Variants in MED12L observed in about 807,000 individuals in gnomAD.
MED12L encodes the protein mediator complex subunit 12L, also known as mediator of RNA polymerase II transcription subunit 12-like protein.
A neutral mutation model predicts 281.3 loss-of-function variants in MED12L; 60 were observed. The ratio of observed to expected loss-of-function variants is 0.21; its 90% CI spans 0.17 to 0.26. MED12L has a LOEUF of 0.26. MED12L is among the 10% of genes least tolerant of loss of function. MED12L has a pLI of 1.00. For missense variants in MED12L, 2,146 were observed against 2,680.9 expected (o/e 0.80, Z 4.41); for synonymous variants, 974 against 987.2 (o/e 0.99, Z 0.25).
chr3:151,225,329 A>G (rs1432750358), intron 16 of MED12L, among the ~76,000 whole-genome samples: 4 of 152,192 alleles, frequency 2.6e-5, no homozygotes, highest in Admixed American at 2.0e-4. Flanking sequence ...TGAGTCATTT[A>G]TAAAGAAAGG....
At chr3:151,415,663 GAAACA>G (rs895181543) in intron 42 of MED12L, among the ~76,000 whole-genome samples, 59 of 152,298 alleles carry the variant, frequency 3.9e-4, no homozygotes, top group African/African-American at 1.3e-3. Flanking sequence ...AAAGGTCATT[GAAACA>G]AAACAAAACA....
At chr3:151,116,180 G>A (rs1389387860) in intron 2 of MED12L, among the ~76,000 whole-genome samples, 158 bp from the exon 3 acceptor site, 2 of 151,596 alleles carry the variant, frequency 1.3e-5, no homozygotes. Flanking sequence ...TTATGTATTG[G>A]TGTTTAAACT....
At chr3:151,200,995 A>AC (rs945092667) in intron 16 of MED12L, 4 of 152,110 alleles carry the variant, frequency 2.6e-5, no homozygotes, top group African/African-American at 9.7e-5. Flanking sequence ...CCACTCCAAA[A>AC]CACTGCCTCA....
At chr3:151,102,541 G>T (rs1035032095) in intron 2 of MED12L, among the ~76,000 whole-genome samples, 1 of 152,060 alleles carries the variant, frequency 6.6e-6, no homozygotes, top group Non-Finnish European at 1.5e-5. Context: ...AGGATGTTCT[G>T]CAGTGAACAT....
intron 16 of MED12L, among the ~76,000 whole-genome samples, chr3:151,274,869 T>A (rs979039545): frequency 6.6e-6 from 1 of 152,144 alleles, no homozygotes; most frequent in African/African-American, 2.4e-5. Flanking sequence ...TCCTAGAATG[T>A]TGGCTGCCTC....
At chr3:151,258,236 G>T (rs1457589928) in intron 16 of MED12L, among the ~76,000 whole-genome samples, 1 of 152,148 alleles carries the variant, frequency 6.6e-6, no homozygotes, top group African/African-American at 2.4e-5. Flanking sequence ...ACTAGCTCGG[G>T]CATAATCAAG....
intron 5 of MED12L, among the ~76,000 whole-genome samples, chr3:151,140,046 C>A (rs756519510): frequency 6.6e-6 from 1 of 152,098 alleles, no homozygotes; most frequent in Non-Finnish European, 1.5e-5. Flanking sequence ...TAAGGAATGC[C>A]ATCTTACCCA....
rs569431405 is a variant in MED12L, at chr3:151,328,341, A to G, written c.2251-21718A>G. 1.8e-5 allele frequency: 29 copies of G among 1,613,238 alleles called. No individual in the cohort carries two copies. The South Asian group carries it at 3.0e-4, about 17-fold the overall frequency. On this transcript the variant is annotated intron_variant, in intron 16 of 44. Transcript: ENST00000687756. ...CTGTCCTTACTTTTGGACTTTCTAT[A>G]AGAATCATATACTTTTTTTGCAATA...
chr3:151,217,212 AT>A (rs1728411129), intron 16 of MED12L, among the ~76,000 whole-genome samples: 1 of 152,222 alleles, frequency 6.6e-6, no homozygotes, highest in African/African-American at 2.4e-5. Context: ...ATTTATAGAA[AT>A]AGTGAATCCC....
intron 16 of MED12L, among the ~76,000 whole-genome samples, chr3:151,311,365 T>C (rs1747486202): frequency 6.6e-6 from 1 of 152,054 alleles, no homozygotes; most frequent in South Asian, 2.1e-4. Context: ...GTTGTTTACA[T>C]TATGAAATTA....
chr3:151,090,466 G>C (rs1719882449), intron 2 of MED12L, among the ~76,000 whole-genome samples: 2 of 152,116 alleles, frequency 1.3e-5, no homozygotes, highest in African/African-American at 4.8e-5. Context: ...TCAGTTTCAT[G>C]AGGGCATGGA....
intron 11 of MED12L, among the ~76,000 whole-genome samples, chr3:151,183,017 A>G (rs527534480): frequency 1.3e-5 from 2 of 152,318 alleles, no homozygotes; most frequent in East Asian, 1.9e-4. Flanking sequence ...TCAGGAGAGC[A>G]TATGATTTCC....
chr3:151,148,658 A>AG (rs1414371512), intron 5 of MED12L, among the ~76,000 whole-genome samples: 3 of 152,224 alleles, frequency 2.0e-5, no homozygotes, highest in Admixed American at 2.0e-4. Flanking sequence ...ATCACCTTAA[A>AG]GATTTGCTCC....
At chr3:151,153,495 T>C (rs1293263212) in intron 5 of MED12L, among the ~76,000 whole-genome samples, 1 of 152,116 alleles carries the variant, frequency 6.6e-6, no homozygotes, top group African/African-American at 2.4e-5. Flanking sequence ...CTTTGTATTT[T>C]CTACCCCTGA....
At chr3:151,158,602 C>T in intron 6 of MED12L, 87 bp from the exon 7 acceptor site, 2 of 772,320 alleles carry the variant, frequency 2.6e-6, no homozygotes, top group East Asian at 5.4e-5. Context: ...AACAGTAGTA[C>T]AGTTAGACTT....
At chr3:151,196,744 C>T (rs1052791215) in intron 16 of MED12L, among the ~76,000 whole-genome samples, 6 of 152,152 alleles carry the variant, frequency 3.9e-5, no homozygotes, top group Admixed American at 2.0e-4. Flanking sequence ...ATAGCATTAT[C>T]TTGTTGTATG....
rs35742538 is a variant in MED12L at position 151,292,288 on chromosome 3, C to CTT, written c.2251-57755_2251-57754dup. ...TATTTTCCCAGCAATAATATTGCTC[C>CTT]TTTTTTTTTTTTTTTTTGGATGGAG... On this transcript the variant is annotated intron_variant, in intron 16 of 44. Transcript: ENST00000687756. 3.9e-3 allele frequency among the ~76,000 whole-genome samples: 552 copies of CTT among 139,870 alleles called. 4 individuals are homozygous for CTT. Among genetic ancestry groups the CTT allele is most frequent in the African/African-American group, 0.014 (523 of 36,694 alleles). The allele number at this position is 139,870 out of a possible 152,430, so 91.8% of individuals were successfully genotyped here.
chr3:151,284,494 T>C (rs1407901404), intron 16 of MED12L, among the ~76,000 whole-genome samples: 11 of 152,250 alleles, frequency 7.2e-5, no homozygotes, highest in Non-Finnish European at 2.9e-5. Context: ...CTGCATATCT[T>C]TATAATTAAT....
intron 16 of MED12L, among the ~76,000 whole-genome samples, chr3:151,291,999 T>C (rs114103040): frequency 1.3e-5 from 2 of 152,314 alleles, no homozygotes; most frequent in Non-Finnish European, 2.9e-5. Context: ...CAGTCTAATT[T>C]TAGAAACATT....
Sources: allele counts gnomAD v4.1 joint callset (sites outside exome capture counted in the v4.1 genomes callset), GRCh38; gene constraint gnomAD v4.1.1; transcripts MANE v1.5; gene names NCBI Gene and HGNC (gene_info 2026-07-23, HGNC 2026-07-21).